SEL1L2: variants seen among roughly 807,000 people sequenced by gnomAD.
The protein encoded by SEL1L2 is protein sel-1 homolog 2.
In SEL1L2, 89 loss-of-function variants were observed where a neutral mutation model predicts 98.8. The ratio of observed to expected loss-of-function variants is 0.90; its 90% CI spans 0.76 to 1.07. SEL1L2 has a LOEUF of 1.07. Ranked by LOEUF, SEL1L2 falls within the 50% of genes least tolerant of loss-of-function variation. The pLI is 0.00. For missense variants in SEL1L2, 788 were observed against 812.0 expected (o/e 0.97, Z 0.36); for synonymous variants, 262 against 278.5 (o/e 0.94, Z 0.59).
In SEL1L2 at chr20:13,913,774, A is replaced by G. The variant is rs1267440129; in HGVS notation, c.549+8T>C. 5 of 1,510,060 alleles carry G rather than the reference A, an allele frequency of 3.3e-6. No individual in the cohort carries two copies. The Admixed American group carries it at 1.1e-4, about 33-fold the overall frequency. The allele number at this position is 1,510,060 out of a possible 1,614,324, so 93.5% of individuals were successfully genotyped here. On this transcript the variant is annotated splice_region_variant and intron_variant, in intron 5 of 19. Transcript: ENST00000284951. ...CTATTTAAGGTTTCATTTTCCTTCA[A>G]AACTCACGTTTTGGGCTTTACATGA... is the stretch of plus-strand genomic sequence containing the variant.
chr20:13,991,927 G>T (rs2052548892), upstream of SEL1L2, among the ~76,000 whole-genome samples: 1 of 151,908 alleles, frequency 6.6e-6, no homozygotes. Flanking sequence ...CTGGGGCCAG[G>T]GGCCTGAGGG....
At chr20:13,859,021 A>G (rs910507667) in intron 18 of SEL1L2, among the ~76,000 whole-genome samples, 1 of 152,232 alleles carries the variant, frequency 6.6e-6, no homozygotes, top group Non-Finnish European at 1.5e-5. Flanking sequence ...ATTGGCCTAG[A>G]CTAGATCTCT....
At chr20:13,991,165 C>A (rs908306635), upstream of SEL1L2, among the ~76,000 whole-genome samples, 1 of 152,002 alleles carries the variant, frequency 6.6e-6, no homozygotes, top group Non-Finnish European at 1.5e-5. Flanking sequence ...TTCAAAGCTA[C>A]GAGAAATCAA....
At chr20:13,948,850 C>G (rs78980875) in intron 2 of SEL1L2, among the ~76,000 whole-genome samples, 342 of 152,252 alleles carry the variant, frequency 2.2e-3, no homozygotes, top group African/African-American at 7.8e-3. Context: ...AAATCCGTCT[C>G]CCTGACCAAC....
intron 14 of SEL1L2, 30 bp from the exon 15 acceptor site, chr20:13,866,880 C>A (rs745348564): frequency 6.4e-7 from 1 of 1,568,422 alleles, no homozygotes; most frequent in East Asian, 2.3e-5. Flanking sequence ...TGAGCCACCC[C>A]TTATTGACTT....
In SEL1L2 at chr20:13,850,303, C is replaced by T; in HGVS notation, c.1835G>A (p.Arg612Lys). ...TTGAGCAGCCATGTCGTACAATCTT[C>T]TGGCCAAGTGAATGTCCTAGAAGGA... ...LGITKDIHLARRLYDMAAQTS... is the reference protein window; with the variant it reads ...LGITKDIHLAKRLYDMAAQTS... The change falls in exon 19 of 20, where the codon AGA (arginine) becomes AAA (lysine). Residue 612 changes from arginine to lysine, a missense_variant. Coordinates refer to ENST00000284951, the MANE Select transcript of SEL1L2 (RefSeq NM_025229.2). The T allele has an allele frequency of 6.2e-7, 1 of 1,614,060 alleles. No homozygotes were observed. Among genetic ancestry groups the T allele is most frequent in the South Asian group, 1.1e-5 (1 of 91,086 alleles).
chr20:13,985,209 T>A (rs991625900), intron 1 of SEL1L2, among the ~76,000 whole-genome samples: 44 of 152,256 alleles, frequency 2.9e-4, no homozygotes, highest in African/African-American at 1.0e-3. Flanking sequence ...TGACTACCCA[T>A]TGCTCCCAGG....
upstream of SEL1L2, among the ~76,000 whole-genome samples, chr20:13,994,068 T>C (rs2052584584): frequency 6.6e-6 from 1 of 152,076 alleles, no homozygotes; most frequent in Non-Finnish European, 1.5e-5. Flanking sequence ...CCCAGCACTT[T>C]GGGATCACTT....
At position 13,951,361 on chromosome 20, in the gene SEL1L2, T is replaced by A. The variant is rs1180358950; in HGVS notation, c.114+4715A>T. Among the ~76,000 whole-genome samples, 5 of 134,224 alleles carry A rather than the reference T, an allele frequency of 3.7e-5. No homozygotes were observed. The East Asian group carries it at 1.2e-3, about 33-fold the overall frequency. The allele number at this position is 134,224 out of a possible 152,430, so 88.1% of individuals were successfully genotyped here. ...ACAGTGTATTTGCTCACTCCTGTAA[T>A]CCCAGCACTTTGGGAGGCCAAGGCA... On this transcript the variant is annotated intron_variant, in intron 2 of 19. Transcript: ENST00000284951.
Position 13,849,268 on chromosome 20 carries a change from G to A in SEL1L2, c.*217C>T. ...TGACAGATTGGTAACAAGGTCTTAGGTGACCAGTTCCCAGCATCCCGCAAA... is the reference window on the plus strand; with the variant it reads ...TGACAGATTGGTAACAAGGTCTTAGATGACCAGTTCCCAGCATCCCGCAAA... On this transcript the variant is annotated 3_prime_UTR_variant, in exon 20 of 20. Coordinates refer to ENST00000284951, the MANE Select transcript of SEL1L2 (RefSeq NM_025229.2). 1 of 502,990 alleles carries A rather than the reference G, an allele frequency of 2.0e-6. No individual in the cohort carries two copies. The highest frequency in any genetic ancestry group is 3.5e-6 in the Non-Finnish European group (1 of 282,892). 31.2% of individuals were successfully genotyped at this position (502,990 alleles called of 1,614,324 possible).
chr20:13,922,235 C>A (rs1488599689), intron 3 of SEL1L2, among the ~76,000 whole-genome samples: 1 of 151,830 alleles, frequency 6.6e-6, no homozygotes, highest in South Asian at 2.1e-4. Context: ...ACTTTTAATG[C>A]AATTTTTTTT....
At chr20:13,865,552 C>A (rs1408847411) in intron 15 of SEL1L2, 38 bp from the exon 16 acceptor site, 1 of 1,553,210 alleles carries the variant, frequency 6.4e-7, no homozygotes, top group Non-Finnish European at 8.8e-7. Flanking sequence ...ACTAGTTAGC[C>A]AGTATGCTTC....
chr20:13,945,481 T>C (rs2049965797), intron 2 of SEL1L2, among the ~76,000 whole-genome samples: 1 of 150,466 alleles, frequency 6.6e-6, no homozygotes, highest in Non-Finnish European at 1.5e-5. Context: ...CATTTTAATA[T>C]ATACATATAT....
At chr20:13,974,595 C>T (rs2051449440) in intron 1 of SEL1L2, among the ~76,000 whole-genome samples, 1 of 149,982 alleles carries the variant, frequency 6.7e-6, no homozygotes, top group Non-Finnish European at 1.5e-5. Context: ...TCTCGTGCCT[C>T]AGCCTCCCAA....
chr20:13,850,407 G>C, intron 18 of SEL1L2, 88 bp from the exon 19 acceptor site: 1 of 1,428,550 alleles, frequency 7.0e-7, no homozygotes, highest in Admixed American at 1.8e-5. Flanking sequence ...TGTAATTAAG[G>C]TTACAGGTCT....
chr20:13,887,661 TAC>T (rs2047019577), intron 8 of SEL1L2, 106 bp downstream of exon 8: 2 of 715,860 alleles, frequency 2.8e-6, no homozygotes, highest in Non-Finnish European at 4.8e-6. Context: ...ATTAAAAACG[TAC>T]ACTTTTGATA....
At chr20:13,892,025 C>T (rs576337952) in intron 5 of SEL1L2, among the ~76,000 whole-genome samples, 2 of 152,228 alleles carry the variant, frequency 1.3e-5, no homozygotes, top group African/African-American at 2.4e-5. Context: ...AATAAAACTA[C>T]ATTTAAAGTA....
At chr20:13,860,731 GT>G (rs1989983546) in intron 17 of SEL1L2, among the ~76,000 whole-genome samples, 1 of 151,576 alleles carries the variant, frequency 6.6e-6, no homozygotes, top group Admixed American at 6.6e-5. Context: ...CTTTCTCTGG[GT>G]GACCTTGTTT....
chr20:13,904,674 T>G (rs2047840743), intron 5 of SEL1L2, among the ~76,000 whole-genome samples: 1 of 152,188 alleles, frequency 6.6e-6, no homozygotes, highest in Non-Finnish European at 1.5e-5. Flanking sequence ...CTGGTACTCC[T>G]CTCACCCTTG....
Sources: allele counts gnomAD v4.1 joint callset (sites outside exome capture counted in the v4.1 genomes callset), GRCh38; gene constraint gnomAD v4.1.1; transcripts MANE v1.5; gene names NCBI Gene and HGNC (gene_info 2026-07-23, HGNC 2026-07-21).